Variants in TMEM63C observed in about 807,000 individuals in gnomAD.
TMEM63C encodes the protein transmembrane protein 63C, also known as osmosensitive cation channel TMEM63C.
In TMEM63C, 32 loss-of-function variants were observed where a neutral mutation model predicts 99.2. That is an observed-to-expected ratio of 0.32 (90% CI 0.24 to 0.43). The LOEUF is 0.43. Ranked by LOEUF, TMEM63C falls within the 20% of genes least tolerant of loss-of-function variation. The pLI is 1.00. For synonymous variants in TMEM63C, 376 were observed against 397.9 expected, an observed-to-expected ratio of 0.94 and a Z score of 0.66; for missense variants, 826 against 1,053.0, an observed-to-expected ratio of 0.78 and a Z score of 2.98.
rs766642615 is a variant in TMEM63C, at chr14:77,239,497, G to T, written c.806+5G>T. The T allele has an allele frequency of 1.2e-6, 2 of 1,613,330 alleles. No homozygotes were observed. Among genetic ancestry groups the T allele is most frequent in the Non-Finnish European group, 1.7e-6 (2 of 1,179,810 alleles). On this transcript the variant is annotated splice_donor_5th_base_variant and intron_variant, in intron 11 of 23. Coordinates refer to ENST00000298351, the MANE Select transcript of TMEM63C (RefSeq NM_020431.4). Reference sequence around the variant, plus strand: ...GATCGACTTGGACGATCAGAGGTGAGGCTGCAGCGGGGCCTTTTGGGGCCC... The same window carrying T: ...GATCGACTTGGACGATCAGAGGTGATGCTGCAGCGGGGCCTTTTGGGGCCC...
At chr14:77,184,204 C>A (rs543425359) in intron 1 of TMEM63C, among the ~76,000 whole-genome samples, 48 of 152,156 alleles carry the variant, frequency 3.2e-4, no homozygotes, top group African/African-American at 1.1e-3. Flanking sequence ...AGAGGATGCT[C>A]TCTCCCTCTG....
At chr14:77,229,465 G>T (rs916233289) in intron 6 of TMEM63C, among the ~76,000 whole-genome samples, 3 of 150,846 alleles carry the variant, frequency 2.0e-5, no homozygotes, top group African/African-American at 4.8e-5. Context: ...TTGAGACAGG[G>T]TCTTGCTCTG....
In TMEM63C at chr14:77,218,845, G is replaced by A. The variant is rs999406355; in HGVS notation, c.32G>A (p.Gly11Glu). The stretch of plus-strand genomic sequence containing the variant: ...GCCTCACCAGACGACCTGAGTACAG[G>A]GGGAAGGTTACAGAACATGACAGTG... MSASPDDLST[G>E]GRLQNMTVDE... Residue 11 changes from glycine (G) to glutamate (E), a missense_variant, in exon 3 of 24, where the codon GGG becomes GAG. Gly to Glu is a moderately conservative substitution (Grantham distance 98). Coordinates refer to ENST00000298351, the MANE Select transcript of TMEM63C (RefSeq NM_020431.4). The A allele has an allele frequency of 6.2e-7, 1 of 1,613,616 alleles. No homozygotes were observed. Among genetic ancestry groups the A allele is most frequent in the East Asian group, 2.2e-5 (1 of 44,896 alleles).
chr14:77,192,409 G>A (rs1349109232), intron 1 of TMEM63C, among the ~76,000 whole-genome samples: 1 of 152,184 alleles, frequency 6.6e-6, no homozygotes, highest in African/African-American at 2.4e-5. Context: ...TATGCTCTTT[G>A]TATCCATCCT....
In TMEM63C at chr14:77,249,430, G is replaced by A. The variant is rs1889320717; in HGVS notation, c.2010G>A (p.Trp670Ter). 1 of 1,613,900 alleles carries A rather than the reference G, an allele frequency of 6.2e-7. No individual in the cohort carries two copies. Among genetic ancestry groups the A allele is most frequent in the Admixed American group, 1.7e-5 (1 of 60,000 alleles). ...TTGCGCCACTCTTGGGTCTGTTCTG[G>A]ATGCTGTTCTTCTCCATCCTGCGGT... is the stretch of plus-strand genomic sequence containing the variant. The part of the protein sequence containing the change: ...AIFAPLLGLF[W>*]MLFFSILRLG... Residue 670 changes from tryptophan to a stop codon, truncating the protein, a stop_gained, in exon 21 of 24, where the codon TGG becomes TGA. Transcript: ENST00000298351. LOFTEE classifies it high-confidence loss of function.
chr14:77,185,102 G>T (rs1469503167), intron 1 of TMEM63C, among the ~76,000 whole-genome samples: 1 of 152,174 alleles, frequency 6.6e-6, no homozygotes, highest in East Asian at 1.9e-4. Flanking sequence ...TCCCCAAAGG[G>T]AAACCGAAGC....
intron 1 of TMEM63C, among the ~76,000 whole-genome samples, chr14:77,199,318 A>G (rs61991598): frequency 9.9e-5 from 15 of 152,192 alleles, no homozygotes; most frequent in Non-Finnish European, 2.1e-4. Context: ...AGATAATGCC[A>G]TGCCCTTCCT....
intron 16 of TMEM63C, 75 bp downstream of exon 16, chr14:77,244,530 TG>T: frequency 8.3e-7 from 1 of 1,209,728 alleles, no homozygotes; most frequent in Non-Finnish European, 1.2e-6. Context: ...CCCGCCAGCC[TG>T]GCACTTGGGC....
intron 1 of TMEM63C, among the ~76,000 whole-genome samples, chr14:77,195,205 C>G (rs1888195312): frequency 1.3e-5 from 2 of 152,316 alleles, no homozygotes; most frequent in African/African-American, 4.8e-5. Context: ...GGGTTCACCT[C>G]TCCTTGCATT....
At chr14:77,242,297 A>AACCCCCCC in intron 13 of TMEM63C, 50 bp from the exon 14 acceptor site, 6 of 1,473,742 alleles carry the variant, frequency 4.1e-6, no homozygotes, top group Admixed American at 1.7e-5. Context: ...TCCTAAGCCC[A>AACCCCCCC]TCCCCCCACC....
intron 5 of TMEM63C, among the ~76,000 whole-genome samples, chr14:77,221,627 TCACCTCCCCTCCCTCTCA>T (rs1888723849): frequency 2.8e-5 from 1 of 35,956 alleles, no homozygotes; most frequent in Non-Finnish European, 5.1e-5. Context: ...CCTCCCACTC[TCACCTCCCCTCCCTCTCA>T]CACCTCCCCT....
intron 6 of TMEM63C, among the ~76,000 whole-genome samples, chr14:77,229,279 C>A (rs1888892086): frequency 6.6e-6 from 1 of 151,860 alleles, no homozygotes; most frequent in African/African-American, 2.4e-5. Context: ...CACCTGTAAT[C>A]CCAGCTATTT....
chr14:77,194,499 TTCTTTC>T (rs752438697), intron 1 of TMEM63C, among the ~76,000 whole-genome samples: 3 of 13,508 alleles, frequency 2.2e-4, no homozygotes, highest in Admixed American at 6.3e-4. Context: ...TCTTTTTTCT[TTCTTTC>T]TTTCTTTCTT....
chr14:77,212,559 GTCT>G (rs2140104106), intron 1 of TMEM63C, among the ~76,000 whole-genome samples: 1 of 152,328 alleles, frequency 6.6e-6, no homozygotes, highest in Admixed American at 6.5e-5. Context: ...TTTTCTGCCT[GTCT>G]TCTTCACACC....
intron 21 of TMEM63C, among the ~76,000 whole-genome samples, chr14:77,250,286 C>T (rs923273521): frequency 2.6e-5 from 4 of 152,158 alleles, no homozygotes; most frequent in African/African-American, 9.7e-5. Context: ...GCAGTCCCTG[C>T]AGGCCACAGA....
In TMEM63C at chr14:77,239,474, T is replaced by C; in HGVS notation, c.788T>C (p.Ile263Thr). ...VHFCYDVRNLIDLDDQRRHAM... is the reference protein window; with the variant it reads ...VHFCYDVRNLTDLDDQRRHAM... ...TTCTGCTACGACGTCAGGAACCTGATCGACTTGGACGATCAGAGGTGAGGC... is the reference window on the plus strand; with the variant it reads ...TTCTGCTACGACGTCAGGAACCTGACCGACTTGGACGATCAGAGGTGAGGC... The change falls in exon 11 of 24, where the codon ATC becomes ACC. Residue 263 changes from isoleucine to threonine, a missense_variant. Coordinates refer to ENST00000298351, the MANE Select transcript of TMEM63C (RefSeq NM_020431.4). 6.2e-7 allele frequency: 1 copy of C among 1,613,552 alleles called. No homozygotes were observed. Among genetic ancestry groups the C allele is most frequent in the Non-Finnish European group, 8.5e-7 (1 of 1,179,856 alleles).
chr14:77,235,117 C>T (rs572162112), intron 8 of TMEM63C, among the ~76,000 whole-genome samples: 4 of 152,140 alleles, frequency 2.6e-5, no homozygotes, highest in Admixed American at 1.3e-4. Context: ...GCACTAAGTC[C>T]CACTTGGATC....
In TMEM63C at chr14:77,249,285, C is replaced by G. The variant is rs1003490256; in HGVS notation, c.1871-6C>G. ...CACTGAGTAAGTTTCCACCTTTGTC[C>G]CCCAGGGTTGCTCTACCTGTGCATG... On this transcript the variant is annotated splice_region_variant and splice_polypyrimidine_tract_variant and intron_variant, in intron 20 of 23. Transcript: ENST00000298351. 6.2e-7 allele frequency: 1 copy of G among 1,613,630 alleles called. No homozygotes were observed.
chr14:77,199,959 TC>T (rs1888273421), intron 1 of TMEM63C, among the ~76,000 whole-genome samples: 1 of 151,856 alleles, frequency 6.6e-6, no homozygotes, highest in Admixed American at 6.6e-5. Context: ...GAGAGAGAAA[TC>T]CCCACCATCC....
Sources: gnomAD v4.1 joint callset for allele counts (sites outside exome capture counted in the v4.1 genomes callset) on GRCh38, gnomAD v4.1.1 for gene constraint, MANE v1.5 for transcripts, NCBI Gene and HGNC (gene_info 2026-07-23, HGNC 2026-07-21) for gene names.